The following ADD3 variants were observed in gnomAD, a reference collection of about 807,000 sequenced individuals.
The protein encoded by ADD3 is adducin 3.
Under a neutral mutation model 80.2 loss-of-function variants are expected in ADD3, and 25 were observed. The ratio of observed to expected loss-of-function variants is 0.31; its 90% confidence interval spans 0.23 to 0.44. ADD3 has a LOEUF of 0.44. Among genes scored for constraint, ADD3 ranks in the 20% least tolerant of loss-of-function variants. The pLI, the probability that ADD3 is intolerant of heterozygous loss-of-function variation, is 1.00. For missense variants in ADD3, 829 were observed against 847.5 expected, an observed-to-expected ratio of 0.98 and a Z score of 0.27; for synonymous variants, 284 against 289.6, an observed-to-expected ratio of 0.98 and a Z score of 0.20.
intron 1 of ADD3, among the ~76,000 whole-genome samples, chr10:110,028,089 G>A (rs1224807401): frequency 2.0e-5 from 3 of 152,186 alleles, no homozygotes; most frequent in East Asian, 1.9e-4. Flanking sequence ...TACCTCTCAA[G>A]TTGCTATGAG....
intron 1 of ADD3, among the ~76,000 whole-genome samples, chr10:110,095,905 CA>C (rs1331209585): frequency 6.6e-6 from 1 of 152,056 alleles, no homozygotes; most frequent in Non-Finnish European, 1.5e-5. Flanking sequence ...CTTTAAATGA[CA>C]ATTATAGCAA....
intron 1 of ADD3, among the ~76,000 whole-genome samples, chr10:110,059,900 C>A (rs937191939): frequency 6.6e-6 from 1 of 152,202 alleles, no homozygotes; most frequent in Admixed American, 6.5e-5. Flanking sequence ...TCCCACATGG[C>A]TTTTTATTTA....
intron 1 of ADD3, among the ~76,000 whole-genome samples, chr10:110,048,647 C>G (rs1433545104): frequency 6.6e-6 from 1 of 152,166 alleles, no homozygotes. Flanking sequence ...CCCCAGAGAT[C>G]TGTGGAACTT....
chr10:110,022,239 A>G (rs1489761652), intron 1 of ADD3, among the ~76,000 whole-genome samples: 1 of 152,150 alleles, frequency 6.6e-6, no homozygotes, highest in African/African-American at 2.4e-5. Context: ...GAACTGTCTT[A>G]TGAATAAGTT....
At chr10:110,127,074 T>TTG (rs1241113690) in intron 12 of ADD3, among the ~76,000 whole-genome samples, 1 of 152,244 alleles carries the variant, frequency 6.6e-6, no homozygotes, top group Non-Finnish European at 1.5e-5. Flanking sequence ...TTTAGCCTGT[T>TTG]TATACAGTGC....
intron 1 of ADD3, among the ~76,000 whole-genome samples, chr10:110,089,666 T>G (rs1292113967): frequency 2.0e-5 from 3 of 151,902 alleles, no homozygotes; most frequent in African/African-American, 7.2e-5. Context: ...ATTGTTTTAC[T>G]CATTTCATAG....
intron 1 of ADD3, among the ~76,000 whole-genome samples, chr10:110,041,398 A>G (rs1332167064): frequency 6.6e-6 from 1 of 152,152 alleles, no homozygotes; most frequent in Non-Finnish European, 1.5e-5. Flanking sequence ...AGACTAAGAA[A>G]ATGCCAGTGT....
chr10:110,044,804 A>G (rs1856746322), intron 1 of ADD3, among the ~76,000 whole-genome samples: 1 of 152,252 alleles, frequency 6.6e-6, no homozygotes, highest in African/African-American at 2.4e-5. Context: ...AGGTAACTGT[A>G]TGACCTTATC....
chr10:110,059,642 G>A (rs908733867), intron 1 of ADD3, among the ~76,000 whole-genome samples: 4 of 151,772 alleles, frequency 2.6e-5, no homozygotes, highest in African/African-American at 4.8e-5. Flanking sequence ...GGTGGCTTGC[G>A]CCTGTAGTCC....
chr10:110,110,851 C>T (rs1009909507), intron 2 of ADD3, among the ~76,000 whole-genome samples: 8 of 151,924 alleles, frequency 5.3e-5, no homozygotes, highest in African/African-American at 1.9e-4. Context: ...AAAAATTAGC[C>T]GGGCATGGTT....
At chr10:110,129,662 A>G (rs932919124) in intron 12 of ADD3, among the ~76,000 whole-genome samples, 2 of 152,150 alleles carry the variant, frequency 1.3e-5, no homozygotes, top group African/African-American at 4.8e-5. Flanking sequence ...GCAAATAAGC[A>G]TGCTTCTCAT....
chr10:110,119,293 G>C lies in ADD3; in HGVS notation c.800G>C (p.Gly267Ala), dbSNP rs757228397. The change falls in exon 7 of 15, where the codon GGG becomes GCG. Residue 267 changes from glycine (G) to alanine (A), a missense_variant. Coordinates refer to ENST00000356080, the MANE Select transcript of ADD3 (RefSeq NM_016824.5). ...GATGTTGCCTATTATGACTACCAAG[G>C]GTCACTTGAAGAACAGGAGGAGAGA... ...LGDVAYYDYQ[G>A]SLEEQEERIQ... 1 of 1,613,914 alleles carries C rather than the reference G, an allele frequency of 6.2e-7. No individual in the cohort carries two copies. The highest frequency in any genetic ancestry group is 8.5e-7 in the Non-Finnish European group (1 of 1,179,992).
At chr10:110,091,305 T>G (rs1362319619) in intron 1 of ADD3, among the ~76,000 whole-genome samples, 3 of 152,246 alleles carry the variant, frequency 2.0e-5, no homozygotes, top group Non-Finnish European at 4.4e-5. Flanking sequence ...TGTTAAGATC[T>G]ATAACCATGA....
In ADD3 at chr10:110,112,886, C is replaced by A; in HGVS notation, c.305C>A (p.Ser102Tyr). ...QQIADYIMAN[S>Y]FSGFSSPPLS... ...ATTGCAGATTACATCATGGCCAATT[C>A]TTTCTCGGGTTTTTCTTCACCTCCT... is the stretch of plus-strand genomic sequence containing the variant. The change falls in exon 3 of 15, where the codon TCT becomes TAT. Residue 102 changes from serine (S) to tyrosine (Y), a missense_variant. Transcript: ENST00000356080. 1 of 1,613,870 alleles carries A rather than the reference C, an allele frequency of 6.2e-7. No homozygotes were observed. Among genetic ancestry groups the A allele is most frequent in the Non-Finnish European group, 8.5e-7 (1 of 1,179,944 alleles).
chr10:110,103,807 C>A (rs1849108575), intron 2 of ADD3, among the ~76,000 whole-genome samples: 1 of 152,150 alleles, frequency 6.6e-6, no homozygotes, highest in South Asian at 2.1e-4. Flanking sequence ...CTCAAGCGAT[C>A]CTCTTGCCTC....
At chr10:110,041,119 A>G (rs1856306146) in intron 1 of ADD3, among the ~76,000 whole-genome samples, 1 of 152,142 alleles carries the variant, frequency 6.6e-6, no homozygotes, top group East Asian at 1.9e-4. Flanking sequence ...TTGATTTTTC[A>G]ACATTTGAAG....
chr10:110,017,685 C>T (rs1853161429), intron 1 of ADD3, among the ~76,000 whole-genome samples: 1 of 152,120 alleles, frequency 6.6e-6, no homozygotes. Flanking sequence ...TAAAATTAAA[C>T]CATGTGCCAT....
chr10:110,122,417 T>A, intron 9 of ADD3, 125 bp downstream of exon 9: 1 of 796,410 alleles, frequency 1.3e-6, no homozygotes, highest in Non-Finnish European at 2.0e-6. Context: ...GGAAAGCATT[T>A]CATTGTTATT....
intron 2 of ADD3, among the ~76,000 whole-genome samples, chr10:110,101,571 A>G (rs1405708089): frequency 6.6e-6 from 1 of 151,922 alleles, no homozygotes; most frequent in African/African-American, 2.4e-5. Flanking sequence ...CAGAAGGTCA[A>G]GACTGCTGTG....
Sources: gnomAD v4.1 joint callset for allele counts (sites outside exome capture counted in the v4.1 genomes callset) on GRCh38, gnomAD v4.1.1 for gene constraint, MANE v1.5 for transcripts, NCBI Gene and HGNC (gene_info 2026-07-23, HGNC 2026-07-21) for gene names.